PSRC1: variants seen among roughly 807,000 people sequenced by gnomAD.
The protein encoded by PSRC1 is proline and serine rich coiled-coil 1.
Under a neutral mutation model 31.9 loss-of-function variants are expected in PSRC1, and 30 were observed. The observed-to-expected ratio is 0.94, with a 90% CI of 0.70 to 1.28. The LOEUF is 1.28. PSRC1 is among the 50% of genes most tolerant of loss of function. The probability of loss-of-function intolerance (pLI) is 0.00; values close to 1 mark genes in which losing one functional copy is unlikely to be tolerated. For missense variants in PSRC1, 481 were observed against 472.8 expected (o/e 1.02, Z -0.16); for synonymous variants, 191 against 192.1 (o/e 0.99, Z 0.05).
chr1:109,281,361 AG>A, intron 4 of PSRC1, 110 bp from the exon 5 acceptor site: 1 of 991,188 alleles, frequency 1.0e-6, no homozygotes, highest in Non-Finnish European at 1.5e-6. Flanking sequence ...CCAGTAAGGA[AG>A]GGTAGAAGTT....
chr1:109,280,524 G>T, intron 5 of PSRC1, 35 bp from the exon 7 acceptor site: 1 of 1,558,618 alleles, frequency 6.4e-7, no homozygotes, highest in Non-Finnish European at 8.8e-7. Flanking sequence ...TGAGTTAGCA[G>T]CAAGTTTAAC....
At chr1:109,282,880 A>G (rs1383743974) in intron 1 of PSRC1, 144 bp from the exon 2 acceptor site, 2 of 698,006 alleles carry the variant, frequency 2.9e-6, no homozygotes, top group African/African-American at 1.8e-5. Context: ...TACTCCTGCT[A>G]CCTCCGGGAA....
chr1:109,280,167 AGAAG>A lies in PSRC1; in HGVS notation c.1089-15_1089-12del. ...TCCTGATCTCTTTACCTAAAGAAAT[AGAAG>A]GAATAACTGCTTTAAAATGCCCTTC... is the stretch of plus-strand genomic sequence containing the variant. On this transcript the variant is annotated splice_polypyrimidine_tract_variant and intron_variant, in intron 6 of 6. Transcript: ENST00000409138. 1 of 1,613,466 alleles carries A rather than the reference AGAAG, an allele frequency of 6.2e-7. No homozygotes were observed. The highest frequency in any genetic ancestry group is 1.1e-5 in the South Asian group (1 of 90,546).
At chr1:109,281,784 C>T (rs771269862) in exon 4 of PSRC1, 1 of 1,614,024 alleles carries the variant, frequency 6.2e-7, no homozygotes, top group African/African-American at 1.3e-5. Context: ...TATCCTTCAG[C>T]ACAAAGGTCT....
rs35471088 is a variant in PSRC1 at position 109,281,851 on chromosome 1, C to T, written c.287G>A (p.Arg96Gln). ...CCCCAGGCCCTCGCCTGCGCTCTCC[C>T]GATCCTGCAGGGCACACTGCTCCAG... Residue 96 changes from arginine to glutamine, a missense_variant, in exon 4 of 7, where the codon CGG becomes CAG. By Grantham distance (43) the Arg-to-Gln change is conservative (BLOSUM62 1). Transcript: ENST00000409138. 5.1e-4 allele frequency: 823 copies of T among 1,613,860 alleles called. 4 individuals are homozygous for T. In the African/African-American group the frequency reaches 9.2e-3, roughly 18 times the overall value.
exon 7 of PSRC1, chr1:109,280,116 G>T (rs754413169): frequency 6.2e-7 from 1 of 1,614,072 alleles, no homozygotes; most frequent in Non-Finnish European, 8.5e-7. Flanking sequence ...GACTGTAGTG[G>T]TTTGCTACTG....
intron 6 of PSRC1, 58 bp downstream of exon 7, chr1:109,280,338 G>T (rs1656842298): frequency 1.5e-5 from 22 of 1,492,238 alleles, no homozygotes; most frequent in Non-Finnish European, 2.0e-5. Flanking sequence ...TAACAGCTTG[G>T]AATCCCAGAT....
intron 6 of PSRC1, 64 bp from the exon 8 acceptor site, chr1:109,280,220 A>G: frequency 1.3e-6 from 2 of 1,590,254 alleles, no homozygotes; most frequent in Non-Finnish European, 1.7e-6. Context: ...TTTGTCACCC[A>G]GCAGAATTCA....
At position 109,282,669 on chromosome 1, in the gene PSRC1, C is replaced by A. The variant is rs370409692; in HGVS notation, c.19+11G>T. 1 of 1,562,436 alleles carries A rather than the reference C, an allele frequency of 6.4e-7. No individual in the cohort carries two copies. Among genetic ancestry groups the A allele is most frequent in the African/African-American group, 1.4e-5 (1 of 73,936 alleles). ...TCCTCCCTTTCATTCTTCCCTCCCT[C>A]CTTTCCTTACCTTCCTCCAAATCCT... On this transcript the variant is annotated intron_variant, in intron 2 of 6. Transcript: ENST00000409138.
At chr1:109,280,082 TG>T in exon 7 of PSRC1, 1 of 1,610,984 alleles carries the variant, frequency 6.2e-7, no homozygotes, top group East Asian at 2.2e-5. Flanking sequence ...CAGGGTCTGC[TG>T]GGTAGAGGCG....
intron 3 of PSRC1, 80 bp downstream of exon 3, chr1:109,282,438 A>G (rs76070472): frequency 7.1e-7 from 1 of 1,403,698 alleles, no homozygotes; most frequent in East Asian, 2.3e-5. Context: ...TTACCAACCC[A>G]AGCCAATAAT....
At chr1:109,282,393 G>A (rs767531830) in intron 3 of PSRC1, 125 bp downstream of exon 3, 387 of 841,314 alleles carry the variant, frequency 4.6e-4, no homozygotes, top group Non-Finnish European at 6.2e-4. Flanking sequence ...TCAGCCAGCC[G>A]CCCAGCAGCC....
At chr1:109,281,037 G>T in exon 5 of PSRC1, 1 of 1,613,232 alleles carries the variant, frequency 6.2e-7, no homozygotes, top group Non-Finnish European at 8.5e-7. Flanking sequence ...TCTGATGGGG[G>T]TGGGTGGGCC....
exon 4 of PSRC1, chr1:109,281,931 G>T: frequency 6.3e-7 from 1 of 1,599,828 alleles, no homozygotes; most frequent in Non-Finnish European, 8.5e-7. Context: ...TCTCTGGACT[G>T]AGGGGGCCTA....
chr1:109,281,189 T>C, exon 5 of PSRC1: 1 of 1,613,510 alleles, frequency 6.2e-7, no homozygotes, highest in Non-Finnish European at 8.5e-7. Flanking sequence ...GGGGAGTCGA[T>C]CGGGTAAGAG....
exon 7 of PSRC1, chr1:109,280,039 T>G: frequency 7.1e-7 from 1 of 1,417,480 alleles, no homozygotes; most frequent in South Asian, 1.1e-5. Flanking sequence ...TGGCATCTCT[T>G]CCTCCTGTCC....
At chr1:109,280,245 G>A in intron 6 of PSRC1, 89 bp from the exon 8 acceptor site, 1 of 1,497,940 alleles carries the variant, frequency 6.7e-7, no homozygotes, top group Non-Finnish European at 9.3e-7. Flanking sequence ...CCTCAGGGTG[G>A]GAAGAAATGG....
At chr1:109,282,791 T>G in intron 1 of PSRC1, 55 bp from the exon 2 acceptor site, 1 of 1,527,480 alleles carries the variant, frequency 6.5e-7, no homozygotes, top group Non-Finnish European at 8.9e-7. Flanking sequence ...GGCTCGCAGC[T>G]AGATTCAGGG....
Position 109,280,173 on chromosome 1 carries a change from A to T in PSRC1, c.1089-17T>A. The T allele has an allele frequency of 6.2e-7, 1 of 1,613,438 alleles. No homozygotes were observed. The highest frequency in any genetic ancestry group is 8.5e-7 in the Non-Finnish European group (1 of 1,179,832). On this transcript the variant is annotated splice_polypyrimidine_tract_variant and intron_variant, in intron 6 of 6. Transcript: ENST00000409138. ...TCTCTTTACCTAAAGAAATAGAAGG[A>T]ATAACTGCTTTAAAATGCCCTTCTT...
Sources: gnomAD v4.1 joint callset for allele counts on GRCh38, gnomAD v4.1.1 for gene constraint, MANE v1.5 for transcripts, NCBI Gene and HGNC (gene_info 2026-07-23, HGNC 2026-07-21) for gene names.